The following NLRP9 variants were observed in gnomAD, a reference collection of about 807,000 sequenced individuals.
The protein encoded by NLRP9 is NACHT, LRR and PYD domains-containing protein 9.
A neutral mutation model predicts 83.1 loss-of-function variants in NLRP9; 88 were observed. The ratio of observed to expected loss-of-function variants is 1.06; its 90% confidence interval spans 0.89 to 1.26. The LOEUF (loss-of-function observed/expected upper bound fraction) is 1.26, where lower values mean the gene tolerates loss of function less well. NLRP9 is among the 50% of genes most tolerant of loss of function. The pLI, the probability that NLRP9 is intolerant of heterozygous loss-of-function variation, is 0.00. For synonymous variants in NLRP9, 521 were observed against 447.6 expected (o/e 1.16, Z -2.07); for missense variants, 1,308 against 1,179.3 (o/e 1.11, Z -1.60).
chr19:55,729,408 G>C (rs10409687), intron 3 of NLRP9, among the ~76,000 whole-genome samples: 54,005 of 151,630 alleles, frequency 0.36, 11,450 homozygotes, highest in African/African-American at 0.6. Flanking sequence ...ACAACAGGCT[G>C]CGGTATGTGA....
chr19:55,716,550 C>CG (rs1209274338), intron 5 of NLRP9, among the ~76,000 whole-genome samples, 178 bp downstream of exon 5: 2 of 152,134 alleles, frequency 1.3e-5, no homozygotes, highest in Admixed American at 6.6e-5. Context: ...TGAGCCACCA[C>CG]GCCCAGCCAG....
Position 55,712,586 on chromosome 19 carries a change from T to C in NLRP9, c.2506A>G (p.Met836Val). The C allele has an allele frequency of 6.2e-7, 1 of 1,611,802 alleles. No homozygotes were observed. The highest frequency in any genetic ancestry group is 8.5e-7 in the Non-Finnish European group (1 of 1,179,694). ...GAATCGGAAGTAAGGAAACAGCCCA[T>C]CAACCTGGGGAGGTGGAAGACACAC... ...PGCSIRELWL[M>V]GCFLTSDSCK... Residue 836 changes from methionine to valine, a missense_variant, in exon 7 of 9, where the codon ATG becomes GTG. Coordinates refer to ENST00000332836, the MANE Select transcript of NLRP9 (RefSeq NM_176820.4).
chr19:55,724,265 T>C, intron 3 of NLRP9, 121 bp from the exon 4 acceptor site: 1 of 625,530 alleles, frequency 1.6e-6, no homozygotes, highest in Non-Finnish European at 2.7e-6. Flanking sequence ...TCTGGAATTC[T>C]GGTTACTCCT....
Position 55,712,462 on chromosome 19 carries a change from C to T in NLRP9, c.2630G>A (p.Cys877Tyr), listed in dbSNP as rs759562970. ...EIGDTGVRQL[C>Y]AALQHPHCKL... ...ACAGTGAGGATGCTGCAAAGCTGCA[C>T]ATAACTGTCTGACACCAGTGTCTCC... The change falls in exon 7 of 9, where the codon TGT (cysteine) becomes TAT (tyrosine). Residue 877 changes from cysteine to tyrosine, a missense_variant. Coordinates refer to ENST00000332836, the MANE Select transcript of NLRP9 (RefSeq NM_176820.4). 2 of 1,612,858 alleles carry T rather than the reference C, an allele frequency of 1.2e-6. No homozygotes were observed. The highest frequency in any genetic ancestry group is 2.2e-5 in the South Asian group (2 of 91,070).
chr19:55,734,849 G>A (rs1988743846), intron 1 of NLRP9, among the ~76,000 whole-genome samples: 1 of 151,900 alleles, frequency 6.6e-6, no homozygotes, highest in South Asian at 2.1e-4. Context: ...TGGTCAGGCT[G>A]GTCTTGAACT....
At chr19:55,737,981 C>T in intron 1 of NLRP9, 114 bp downstream of exon 1, 1 of 1,026,622 alleles carries the variant, frequency 9.7e-7, no homozygotes, top group Non-Finnish European at 1.5e-6. Context: ...TCAACTCTCA[C>T]CTTGACCCAC....
chr19:55,734,991 G>A (rs1988747922), intron 1 of NLRP9, among the ~76,000 whole-genome samples: 1 of 152,166 alleles, frequency 6.6e-6, no homozygotes. Flanking sequence ...ATGGGGAAGG[G>A]AGAAGAATTA....
chr19:55,726,012 C>T (rs1480831682), intron 3 of NLRP9, among the ~76,000 whole-genome samples: 6 of 151,120 alleles, frequency 4.0e-5, no homozygotes, highest in South Asian at 2.1e-4. Flanking sequence ...GGGGACAGAG[C>T]GAGACTGTCT....
At chr19:55,716,642 A>C in intron 5 of NLRP9, 86 bp downstream of exon 5, 2 of 1,104,436 alleles carry the variant, frequency 1.8e-6, no homozygotes, top group Non-Finnish European at 2.7e-6. Flanking sequence ...TGCACCCCTC[A>C]GTGAGCACCG....
chr19:55,712,350 T>A lies in NLRP9; in HGVS notation c.2672+70A>T, dbSNP rs1244658891. 5 of 1,340,454 alleles carry A rather than the reference T, an allele frequency of 3.7e-6. No homozygotes were observed. The South Asian group carries it at 6.3e-5, about 17-fold the overall frequency. The allele number at this position is 1,340,454 out of a possible 1,614,324, so 83.0% of individuals were successfully genotyped here. A position where few individuals can be genotyped will look rare whatever the true frequency, so the allele number is the denominator to read the frequency against. On this transcript the variant is annotated intron_variant, in intron 7 of 8. Coordinates refer to ENST00000332836, the MANE Select transcript of NLRP9 (RefSeq NM_176820.4). ...TTAAACCTGCCTCCCTTCCATTCTA[T>A]TGACCCTCCAGCAATTCCTATTCTT...
intron 4 of NLRP9, among the ~76,000 whole-genome samples, chr19:55,721,433 T>C (rs1333658389): frequency 1.3e-5 from 2 of 152,152 alleles, no homozygotes; most frequent in Non-Finnish European, 2.9e-5. Context: ...GTATTAGATG[T>C]TTTTTTCCTA....
chr19:55,712,093 T>C, intron 7 of NLRP9, 123 bp from the exon 8 acceptor site: 2 of 983,134 alleles, frequency 2.0e-6, no homozygotes, highest in Non-Finnish European at 3.0e-6. Flanking sequence ...CCCGGGCTTC[T>C]CAGCCAGGAC....
chr19:55,731,954 C>T, intron 2 of NLRP9, 45 bp downstream of exon 2: 1 of 1,291,110 alleles, frequency 7.7e-7, no homozygotes, highest in Non-Finnish European at 1.1e-6. Context: ...CTAGAGCAAA[C>T]TCCAAGTGTA....
In NLRP9 at chr19:55,724,007, TGTTTCAGCGTC is replaced by T; in HGVS notation, c.2121_2131del (p.Thr708SerfsTer14). The T allele has an allele frequency of 6.2e-7, 1 of 1,613,962 alleles. No homozygotes were observed. On this transcript the variant is annotated frameshift_variant, in exon 4 of 9. Coordinates refer to ENST00000332836, the MANE Select transcript of NLRP9 (RefSeq NM_176820.4). LOFTEE classifies it high-confidence loss of function. ...CAGCTCTTCTATCTTGCACATTGGA[TGTTTCAGCGTC>T]TCACACAGGTGTCTGATGTCAGACT...
intron 1 of NLRP9, among the ~76,000 whole-genome samples, chr19:55,736,852 C>A (rs369406052): frequency 9.6e-5 from 14 of 146,256 alleles, no homozygotes; most frequent in Non-Finnish European, 2.0e-4. Flanking sequence ...AAAACAAAAA[C>A]AAAAAAAAAA....
In NLRP9 at chr19:55,711,956, G is replaced by A. The variant is rs772727368; in HGVS notation, c.2687C>T (p.Pro896Leu). The stretch of plus-strand genomic sequence containing the variant: ...GTCGTCGCAGCAGGCACGGGTGATC[G>A]GACACGTTTGCAGCCTGCAAAAGGG... ...KLECLGLQTC[P>L]ITRACCDDIA... The change falls in exon 8 of 9, where the codon CCG becomes CTG. Residue 896 changes from proline (P) to leucine (L), a missense_variant. Physicochemically the swap from Pro to Leu is moderately conservative, Grantham distance 98. Coordinates refer to ENST00000332836, the MANE Select transcript of NLRP9 (RefSeq NM_176820.4). 47 of 1,612,644 alleles carry A rather than the reference G, an allele frequency of 2.9e-5. No individual in the cohort carries two copies. The highest frequency in any genetic ancestry group is 3.7e-5 in the Non-Finnish European group (44 of 1,179,788).
rs375031940 is a variant in NLRP9 at position 55,724,059 on chromosome 19, C to T, written c.2080G>A (p.Gly694Ser). 1.5e-5 allele frequency: 24 copies of T among 1,613,624 alleles called. No homozygotes were observed. The highest frequency in any genetic ancestry group is 5.0e-5 in the Admixed American group (3 of 60,000). Residue 694 changes from glycine (G) to serine (S), a missense_variant, in exon 4 of 9, where the codon GGC (glycine) becomes AGC (serine). Physicochemically the swap from Gly to Ser is moderately conservative, Grantham distance 56. Transcript: ENST00000332836. ...NPHLKLLSLY[G>S]TSLSQSDIRH... ...ATGTCAGACTGGGAGAGGCTAGTGC[C>T]GTACAGGCTCAGAAGTTTCAGATGA...
chr19:55,718,544 G>GTA (rs1568596792), intron 4 of NLRP9, among the ~76,000 whole-genome samples: 2 of 152,186 alleles, frequency 1.3e-5, no homozygotes, highest in Non-Finnish European at 1.5e-5. Context: ...ATGTTTGGAT[G>GTA]AAGAGAAACA....
chr19:55,718,569 G>A (rs760234343), intron 4 of NLRP9, among the ~76,000 whole-genome samples: 18 of 150,482 alleles, frequency 1.2e-4, no homozygotes, highest in Middle Eastern at 3.2e-3. Context: ...TCTAGCCTAC[G>A]TGCACATACG....
Sources: allele counts gnomAD v4.1 joint callset (sites outside exome capture counted in the v4.1 genomes callset), GRCh38; gene constraint gnomAD v4.1.1; transcripts MANE v1.5; gene names NCBI Gene and HGNC (gene_info 2026-07-23, HGNC 2026-07-21).